SREK1IP1: variants seen among roughly 807,000 people sequenced by gnomAD.
The protein encoded by SREK1IP1 is protein SREK1IP1.
Under a neutral mutation model 22.8 loss-of-function variants are expected in SREK1IP1, and 12 were observed. The observed-to-expected ratio is 0.53, with a 90% CI of 0.34 to 0.85. SREK1IP1 has a LOEUF of 0.85. Among genes scored for constraint, SREK1IP1 ranks in the 40% least tolerant of loss-of-function variants. The pLI, the probability that SREK1IP1 is intolerant of heterozygous loss-of-function variation, is 0.02. For synonymous variants in SREK1IP1, 53 were observed against 52.7 expected (o/e 1.01, Z -0.02); for missense variants, 147 against 171.8 (o/e 0.86, Z 0.81).
chr5:64,768,083 A>T (rs1580565052), intron 1 of SREK1IP1, among the ~76,000 whole-genome samples: 1 of 152,178 alleles, frequency 6.6e-6, no homozygotes, highest in Admixed American at 6.5e-5. Context: ...TAGAACCCGC[A>T]CACCCGGTGG....
intron 1 of SREK1IP1, among the ~76,000 whole-genome samples, chr5:64,767,668 T>C (rs1162084180): frequency 2.0e-5 from 3 of 152,222 alleles, no homozygotes; most frequent in Non-Finnish European, 2.9e-5. Context: ...AGTAATTCTA[T>C]AGCAATTCAT....
chr5:64,752,590 GCT>G (rs1311970214), intron 2 of SREK1IP1, among the ~76,000 whole-genome samples: 1 of 151,972 alleles, frequency 6.6e-6, no homozygotes, highest in South Asian at 2.1e-4. Flanking sequence ...TGAGAAATAA[GCT>G]CTTTTTCTAT....
intron 3 of SREK1IP1, among the ~76,000 whole-genome samples, chr5:64,736,353 T>A (rs1742461817): frequency 6.6e-6 from 1 of 152,154 alleles, no homozygotes; most frequent in Non-Finnish European, 1.5e-5. Context: ...ATGAGAAAGG[T>A]GTTGAGATCG....
intron 3 of SREK1IP1, among the ~76,000 whole-genome samples, chr5:64,740,547 G>A (rs1742535561): frequency 6.6e-6 from 1 of 152,164 alleles, no homozygotes; most frequent in African/African-American, 2.4e-5. Context: ...AGCTGTATTG[G>A]CATGCCCAGA....
chr5:64,766,944 T>A (rs938102703), intron 1 of SREK1IP1, among the ~76,000 whole-genome samples: 2 of 152,222 alleles, frequency 1.3e-5, no homozygotes, highest in African/African-American at 4.8e-5. Context: ...TCTACTTAAT[T>A]TCTCACTTAC....
At chr5:64,724,653 A>C (rs1742233677) in intron 4 of SREK1IP1, 80 bp from the exon 5 acceptor site, 2 of 1,161,598 alleles carry the variant, frequency 1.7e-6, no homozygotes, top group Admixed American at 2.6e-5. Context: ...AACTGCCTTA[A>C]ATTCTTCTTG....
At chr5:64,749,211 TGTCTACTTCTG>T (rs1312488300) in intron 2 of SREK1IP1, among the ~76,000 whole-genome samples, 1 of 151,770 alleles carries the variant, frequency 6.6e-6, no homozygotes, top group Non-Finnish European at 1.5e-5. Flanking sequence ...GGTACCCAAA[TGTCTACTTCTG>T]GGCTTACAGA....
chr5:64,763,493 T>C (rs1742986227), intron 1 of SREK1IP1, among the ~76,000 whole-genome samples: 2 of 150,474 alleles, frequency 1.3e-5, no homozygotes, highest in East Asian at 4.0e-4. Context: ...GCCGAGACAG[T>C]GCCACTGCAC....
At chr5:64,724,729 G>A (rs1025768082) in intron 4 of SREK1IP1, among the ~76,000 whole-genome samples, 156 bp from the exon 5 acceptor site, 2 of 152,068 alleles carry the variant, frequency 1.3e-5, no homozygotes, top group Admixed American at 6.5e-5. Context: ...CCCTTAAAAC[G>A]ATGAATTTAG....
At chr5:64,730,011 T>G (rs1742349762) in intron 3 of SREK1IP1, among the ~76,000 whole-genome samples, 1 of 152,138 alleles carries the variant, frequency 6.6e-6, no homozygotes, top group Non-Finnish European at 1.5e-5. Context: ...AATAAAATCA[T>G]TTAGTAAGAG....
intron 3 of SREK1IP1, among the ~76,000 whole-genome samples, chr5:64,733,227 T>C (rs1438495574): frequency 6.6e-6 from 1 of 152,076 alleles, no homozygotes; most frequent in Non-Finnish European, 1.5e-5. Flanking sequence ...GTGAAAGACC[T>C]GGTAAGAGGA....
chr5:64,738,380 T>C (rs1208077884), intron 3 of SREK1IP1, among the ~76,000 whole-genome samples: 1 of 152,168 alleles, frequency 6.6e-6, no homozygotes, highest in Non-Finnish European at 1.5e-5. Flanking sequence ...GCTCATGGAT[T>C]GAAAGAATAT....
intron 3 of SREK1IP1, among the ~76,000 whole-genome samples, chr5:64,740,240 C>T (rs1390818016): frequency 2.0e-5 from 3 of 151,960 alleles, no homozygotes; most frequent in Non-Finnish European, 4.4e-5. Flanking sequence ...CTCTCTGAAA[C>T]ACACTAACAA....
intron 1 of SREK1IP1, among the ~76,000 whole-genome samples, chr5:64,756,869 G>A (rs1056638682): frequency 1.2e-4 from 18 of 152,046 alleles, no homozygotes; most frequent in African/African-American, 3.6e-4. Flanking sequence ...CTCATGATCC[G>A]CCTGCCTTAG....
At chr5:64,742,164 G>C (rs1360158335) in intron 2 of SREK1IP1, among the ~76,000 whole-genome samples, 1 of 151,986 alleles carries the variant, frequency 6.6e-6, no homozygotes, top group African/African-American at 2.4e-5. Flanking sequence ...GGTGTAATTT[G>C]CTCATTTTAT....
chr5:64,732,405 T>C (rs1164325675), intron 3 of SREK1IP1, among the ~76,000 whole-genome samples: 6 of 152,048 alleles, frequency 3.9e-5, no homozygotes, highest in African/African-American at 1.4e-4. Context: ...AAAATAAACA[T>C]ACAAAAATCA....
chr5:64,724,617 TGATA>T (rs764305378), intron 4 of SREK1IP1, 44 bp from the exon 5 acceptor site: 1 of 1,378,516 alleles, frequency 7.3e-7, no homozygotes, highest in Non-Finnish European at 9.6e-7. Context: ...CATTTATGAC[TGATA>T]GATAAATTTA....
chr5:64,741,686 T>C (rs889413573), intron 2 of SREK1IP1, among the ~76,000 whole-genome samples: 5 of 152,184 alleles, frequency 3.3e-5, no homozygotes, highest in African/African-American at 1.2e-4. Flanking sequence ...GAATGTGCTT[T>C]ACTAAAGAAT....
At chr5:64,737,563 C>T (rs1227487700) in intron 3 of SREK1IP1, among the ~76,000 whole-genome samples, 3 of 136,568 alleles carry the variant, frequency 2.2e-5, no homozygotes, top group Non-Finnish European at 3.2e-5. Flanking sequence ...AAACATTATA[C>T]CTTTAAGAAA....
Sources: allele counts gnomAD v4.1 joint callset (sites outside exome capture counted in the v4.1 genomes callset), GRCh38; gene constraint gnomAD v4.1.1; transcripts MANE v1.5; gene names NCBI Gene and HGNC (gene_info 2026-07-23, HGNC 2026-07-21).